PGR: variants seen among roughly 807,000 people sequenced by gnomAD.
PGR encodes the protein nuclear receptor subfamily 3 group C member 3.
PGR carries 25 observed loss-of-function variants against 76.1 expected under a neutral mutation model. That is an observed-to-expected ratio of 0.33 (90% CI 0.24 to 0.46). The LOEUF (loss-of-function observed/expected upper bound fraction) is 0.46. PGR is among the 20% of genes least tolerant of loss of function. The pLI, the probability that PGR is intolerant of heterozygous loss-of-function variation, is 1.00. For synonymous variants in PGR, 579 were observed against 535.0 expected, an observed-to-expected ratio of 1.08 and a Z score of -1.14; for missense variants, 1,172 against 1,225.3, an observed-to-expected ratio of 0.96 and a Z score of 0.65.
intron 6 of PGR, among the ~76,000 whole-genome samples, chr11:101,048,494 A>G (rs1397250248): frequency 6.6e-6 from 1 of 152,174 alleles, no homozygotes; most frequent in Admixed American, 6.5e-5. Context: ...TTCCTAGGCT[A>G]TGAACCTGTA....
chr11:101,094,751 A>C (rs191027798), intron 2 of PGR, among the ~76,000 whole-genome samples: 84 of 152,324 alleles, frequency 5.5e-4, no homozygotes, highest in African/African-American at 1.9e-3. Context: ...TCATGCATCT[A>C]TTCTCATTTT....
At chr11:101,049,554 C>A (rs753059700) in intron 6 of PGR, among the ~76,000 whole-genome samples, 3 of 151,892 alleles carry the variant, frequency 2.0e-5, no homozygotes, top group African/African-American at 4.8e-5. Context: ...CAGGACTAGG[C>A]GATGATAATT....
intron 3 of PGR, among the ~76,000 whole-genome samples, chr11:101,086,654 G>A (rs1190097319): frequency 6.6e-6 from 1 of 152,080 alleles, no homozygotes; most frequent in African/African-American, 2.4e-5. Flanking sequence ...TATCTCTCTT[G>A]CATATTACAT....
chr11:101,076,585 T>C (rs999418515), intron 3 of PGR, among the ~76,000 whole-genome samples: 8 of 152,056 alleles, frequency 5.3e-5, no homozygotes, highest in Non-Finnish European at 1.0e-4. Context: ...TATTGCACAA[T>C]TATTCTTGAT....
rs898085131 is a variant in PGR, at chr11:101,129,640, G to C, written c.-570C>G. 5.5e-6 allele frequency: 1 copy of C among 182,042 alleles called. No homozygotes were observed. Among genetic ancestry groups the C allele is most frequent in the Non-Finnish European group, 1.2e-5 (1 of 85,576 alleles). The allele number at this position is 182,042 out of a possible 1,614,324, so 11.3% of individuals were successfully genotyped here. On this transcript the variant is annotated 5_prime_UTR_variant, in exon 1 of 8. Transcript: ENST00000325455. ...GAAGGGTCGGACTTCTGCTGGCTCC[G>C]TACTGCGGGCGACAGTCATCTCCGA...
chr11:101,095,320 G>A (rs1477353614), intron 2 of PGR, among the ~76,000 whole-genome samples: 4 of 152,180 alleles, frequency 2.6e-5, no homozygotes, highest in Non-Finnish European at 4.4e-5. Flanking sequence ...TTGTAGTACC[G>A]AAGAGCAAAG....
rs1373987810 is a variant in PGR at position 101,128,918 on chromosome 11, T to C, written c.153A>G (p.Ile51Met). Residue 51 changes from isoleucine to methionine, a missense_variant, in exon 1 of 8, where the codon ATA (isoleucine) becomes ATG (methionine). Coordinates refer to ENST00000325455, the MANE Select transcript of PGR (RefSeq NM_000926.4). ...TSDTLPEVSA[I>M]PISLDGLLFP... ...AGAGTAGCCCGTCCAGGGAGATAGG[T>C]ATGGCCGAAACTTCAGGCAAGGTGT... 8 of 1,613,238 alleles carry C rather than the reference T, an allele frequency of 5.0e-6. No individual in the cohort carries two copies. Among genetic ancestry groups the C allele is most frequent in the Non-Finnish European group, 6.8e-6 (8 of 1,179,688 alleles).
At position 101,128,630 on chromosome 11, in the gene PGR, A is replaced by G. The variant is rs1413772721; in HGVS notation, c.441T>C (p.Leu147=). 6.3e-7 allele frequency: 1 copy of G among 1,588,782 alleles called. No individual in the cohort carries two copies. Among genetic ancestry groups the G allele is most frequent in the Non-Finnish European group, 8.6e-7 (1 of 1,169,422 alleles). ...TSSWCLFGPE[L]PEDPPAAPAT... ...CGGGGGCAGCCGGTGGATCTTCGGG[A>G]AGTTCGGGGCCAAACAGGCACCAAG... Residue 147 remains leucine (L), a synonymous_variant, in exon 1 of 8, where the codon CTT becomes CTC. Transcript: ENST00000325455.
chr11:101,126,206 A>G (rs377117386), intron 1 of PGR, 48 bp from the exon 2 acceptor site: 98 of 1,571,400 alleles, frequency 6.2e-5, no homozygotes, highest in African/African-American at 3.9e-4. Context: ...GTGCACCACT[A>G]TCTAATACTA....
At chr11:101,100,619 A>ACT (rs937420848) in intron 2 of PGR, among the ~76,000 whole-genome samples, 1 of 152,024 alleles carries the variant, frequency 6.6e-6, no homozygotes, top group African/African-American at 2.4e-5. Flanking sequence ...ACACACACAC[A>ACT]CACACACACA....
intron 3 of PGR, 159 bp from the exon 4 acceptor site, chr11:101,062,911 T>A (rs1860567757): frequency 1.8e-6 from 1 of 565,382 alleles, no homozygotes; most frequent in Admixed American, 3.4e-5. Flanking sequence ...TTACAAAAAA[T>A]AAATTAAAAC....
In PGR at chr11:101,038,943, T is replaced by A. The variant is rs986478729; in HGVS notation, c.*173A>T. ...AAACAGTTAAACATTCTAATTATAC[T>A]TTATAAAAGAAAATAATTAGAACCT... On this transcript the variant is annotated 3_prime_UTR_variant, in exon 8 of 8. Coordinates refer to ENST00000325455, the MANE Select transcript of PGR (RefSeq NM_000926.4). 3 of 546,976 alleles carry A rather than the reference T, an allele frequency of 5.5e-6. No individual in the cohort carries two copies. Among genetic ancestry groups the A allele is most frequent in the Non-Finnish European group, 9.7e-6 (3 of 310,338 alleles). 33.9% of individuals were successfully genotyped at this position (546,976 alleles called of 1,614,324 possible).
In PGR at chr11:101,037,956, T is replaced by C. The variant is rs1859564999; in HGVS notation, c.*1160A>G. The C allele has an allele frequency of 4.8e-6, 1 of 210,470 alleles. No individual in the cohort carries two copies. The highest frequency in any genetic ancestry group is 5.9e-5 in the Admixed American group (1 of 16,932). The allele number at this position is 210,470 out of a possible 1,614,324, so 13.0% of individuals were successfully genotyped here. On this transcript the variant is annotated 3_prime_UTR_variant, in exon 8 of 8. Transcript: ENST00000325455. ...TGTGCACAAAATGGCAGGTAAACTC[T>C]AGGAGAAGGCAAATTACTGCTTGGA... is the stretch of plus-strand genomic sequence containing the variant.
intron 6 of PGR, among the ~76,000 whole-genome samples, chr11:101,047,258 C>T (rs530540926): frequency 1.3e-5 from 2 of 152,078 alleles, no homozygotes; most frequent in African/African-American, 2.4e-5. Context: ...CATAATGTTG[C>T]CTATCCATAA....
At chr11:101,123,150 T>C (rs1467441957) in intron 2 of PGR, among the ~76,000 whole-genome samples, 1 of 152,214 alleles carries the variant, frequency 6.6e-6, no homozygotes, top group Non-Finnish European at 1.5e-5. Context: ...AGGTCTTAGT[T>C]TCCTCATTTG....
At position 101,083,601 on chromosome 11, in the gene PGR, G is replaced by A. The variant is rs372720557; in HGVS notation, c.1906+8159C>T. ...CCTTGGGAGCCCATCCCTTGCATCA[G>A]TATGCTCTGGATGTGAGGCATGGAG... On this transcript the variant is annotated intron_variant, in intron 3 of 7. Coordinates refer to ENST00000325455, the MANE Select transcript of PGR (RefSeq NM_000926.4). 3.9e-5 allele frequency among the ~76,000 whole-genome samples: 6 copies of A among 152,330 alleles called. No individual in the cohort carries two copies. In the East Asian group the frequency reaches 1.2e-3, roughly 29 times the overall value.
At chr11:101,071,345 T>G (rs899661378) in intron 3 of PGR, among the ~76,000 whole-genome samples, 3 of 152,040 alleles carry the variant, frequency 2.0e-5, no homozygotes, top group Non-Finnish European at 4.4e-5. Flanking sequence ...AGACCAAAGG[T>G]AGATAAATCC....
chr11:101,036,642 T>G lies in PGR; in HGVS notation c.*2474A>C, dbSNP rs1859525762. 1 of 198,668 alleles carries G rather than the reference T, an allele frequency of 5.0e-6. No individual in the cohort carries two copies. 12.3% of individuals were successfully genotyped at this position (198,668 alleles called of 1,614,324 possible). A position where few individuals can be genotyped will look rare whatever the true frequency, so the allele number is the denominator to read the frequency against. On this transcript the variant is annotated 3_prime_UTR_variant, in exon 8 of 8. Transcript: ENST00000325455. ...TGAAGCCATATTCTTTTTAAAAAGG[T>G]ACTTTATTTTTAAAGCTTAGCCTTA...
Position 101,119,145 on chromosome 11 carries a change from C to T in PGR, c.1789+6862G>A, listed in dbSNP as rs190077503. ...GGCTGCTGCTGATGTGACAGGGAGG[C>T]GGAGCTCAGTCTGTAATTCTCGCTT... On this transcript the variant is annotated intron_variant, in intron 2 of 7. Coordinates refer to ENST00000325455, the MANE Select transcript of PGR (RefSeq NM_000926.4). Among the ~76,000 whole-genome samples, 6 of 152,222 alleles carry T rather than the reference C, an allele frequency of 3.9e-5. No individual in the cohort carries two copies. In the East Asian group the frequency reaches 5.8e-4, roughly 15 times the overall value.
Sources: gnomAD v4.1 joint callset for allele counts (sites outside exome capture counted in the v4.1 genomes callset) on GRCh38, gnomAD v4.1.1 for gene constraint, MANE v1.5 for transcripts, NCBI Gene and HGNC (gene_info 2026-07-23, HGNC 2026-07-21) for gene names.